The following KIF21B variants were observed in gnomAD, a reference collection of about 807,000 sequenced individuals.
KIF21B encodes kinesin-like protein KIF21B.
A neutral mutation model predicts 192.9 loss-of-function variants in KIF21B; 85 were observed. That is an observed-to-expected ratio of 0.44 (90% CI 0.37 to 0.53). The LOEUF is 0.53. Ranked by LOEUF, KIF21B falls within the 20% of genes least tolerant of loss-of-function variation. KIF21B has a pLI of 0.00. For missense variants in KIF21B, 1,716 were observed against 2,194.8 expected, an observed-to-expected ratio of 0.78 and a Z score of 4.36; for synonymous variants, 832 against 884.6, an observed-to-expected ratio of 0.94 and a Z score of 1.05.
chr1:200,989,063 A>G, intron 21 of KIF21B, 132 bp from the exon 22 acceptor site: 1 of 949,152 alleles, frequency 1.1e-6, no homozygotes, highest in East Asian at 2.6e-5. Flanking sequence ...TGTACCTGGC[A>G]CAGACCTGAG....
At chr1:201,015,244 G>A (rs1658438745) in intron 1 of KIF21B, among the ~76,000 whole-genome samples, 1 of 152,218 alleles carries the variant, frequency 6.6e-6, no homozygotes, top group Non-Finnish European at 1.5e-5. Context: ...TGGCATGCTC[G>A]CAGCTGCCCA....
Position 200,998,403 on chromosome 1 carries a change from G to A in KIF21B, c.2058C>T (p.Asp686=), listed in dbSNP as rs373847715. ...NKIRDTQLER[D]RVLQNLSTME... ...CCTCACTGAGGTTCTGCAGCACACG[G>A]TCGCGCTCCAGCTGTGTGTCTCGGA... Residue 686 remains aspartate, a synonymous_variant, in exon 14 of 35, where the codon GAC becomes GAT. Coordinates refer to ENST00000461742, the MANE Select transcript of KIF21B (RefSeq NM_001252102.2). The surrounding 1 kb of genome is among the most constrained non-coding windows in gnomAD (Gnocchi z 4.3). 2.5e-6 allele frequency: 4 copies of A among 1,613,168 alleles called. No individual in the cohort carries two copies. The African/African-American group carries it at 5.3e-5, about 22-fold the overall frequency.
Position 200,991,109 on chromosome 1 carries a change from C to A in KIF21B, c.2495G>T (p.Arg832Leu). ...CTTTAGTCCTGCACGCCCTGCCACC[C>A]GCTCAGACATGGGCTTGGCCAGGCG... ...LRRLAKPMSE[R>L]VAGRAGLKPP... Residue 832 changes from arginine (R) to leucine (L), a missense_variant, in exon 18 of 35, where the codon CGG becomes CTG. This residue lies in a region of KIF21B where 1,087 missense variants were observed against 1,316.6 expected (regional missense o/e 0.83). Coordinates refer to ENST00000461742, the MANE Select transcript of KIF21B (RefSeq NM_001252102.2). 6.2e-7 allele frequency: 1 copy of A among 1,613,824 alleles called. No individual in the cohort carries two copies. Among genetic ancestry groups the A allele is most frequent in the Non-Finnish European group, 8.5e-7 (1 of 1,179,964 alleles).
At position 201,005,611 on chromosome 1, in the gene KIF21B, G is replaced by A. The variant is rs146271002; in HGVS notation, c.531C>T (p.His177=). Residue 177 remains histidine (H), a synonymous_variant, in exon 4 of 35, where the codon CAC becomes CAT. Coordinates refer to ENST00000461742, the MANE Select transcript of KIF21B (RefSeq NM_001252102.2). ...TRHRRSNIKI[H]EDANGGIYTT... ...TGTAGATGCCACCGTTTGCGTCCTC[G>A]TGGATCTTGATGTTGGACCTGCGGT... 2.3e-4 allele frequency: 373 copies of A among 1,613,632 alleles called. No individual in the cohort carries two copies. In the African/African-American group the frequency reaches 3.4e-3, roughly 15 times the overall value.
At chr1:201,009,561 G>C (rs556958157) in intron 1 of KIF21B, 73 bp from the exon 2 acceptor site, 257 of 1,404,222 alleles carry the variant, frequency 1.8e-4, no homozygotes, top group Non-Finnish European at 2.1e-4. Flanking sequence ...CCCTCACACT[G>C]CCTGCCAAGC....
intron 1 of KIF21B, among the ~76,000 whole-genome samples, chr1:201,020,808 T>TACAC (rs60686711): frequency 0.031 from 4,381 of 142,880 alleles, 87 homozygotes; most frequent in East Asian, 0.065. Context: ...CTCTCTCCTC[T>TACAC]ACACACACAC....
Position 200,984,911 on chromosome 1 carries a change from T to G in KIF21B, c.3751A>C (p.Asn1251His), listed in dbSNP as rs1264811878. The G allele has an allele frequency of 1.2e-6, 2 of 1,607,122 alleles. No individual in the cohort carries two copies. Among genetic ancestry groups the G allele is most frequent in the African/African-American group, 1.3e-5 (1 of 74,340 alleles). ...TTACTGGTGAGACGAGAGAAGACAT[T>G]GCGGTCATTGCGGGGCCGAGTGGGA... ...SPPTRPRNDR[N>H]VFSRLTSNQS... is the part of the protein sequence containing the mutation. Residue 1251 changes from asparagine (N) to histidine (H), a missense_variant, in exon 27 of 35, where the codon AAT (asparagine) becomes CAT (histidine). Transcript: ENST00000461742.
At chr1:200,996,140 T>C (rs973272685) in intron 15 of KIF21B, 56 bp downstream of exon 15, 5 of 1,502,180 alleles carry the variant, frequency 3.3e-6, no homozygotes, top group Non-Finnish European at 4.6e-6. Context: ...GTGAGTGGAT[T>C]CTAAGAAGAT....
At chr1:200,989,082 C>T (rs10920083) in intron 21 of KIF21B, 151 bp from the exon 22 acceptor site, 31,923 of 759,154 alleles carry the variant, frequency 0.042, 1,482 homozygotes, top group East Asian at 0.2. Context: ...AGAGCACCGC[C>T]AGCCCCCTTA....
intron 1 of KIF21B, among the ~76,000 whole-genome samples, chr1:201,012,097 T>TG (rs1658264480): frequency 6.6e-6 from 1 of 152,178 alleles, no homozygotes; most frequent in African/African-American, 2.4e-5. Flanking sequence ...AGGAGTTGCG[T>TG]GGTCAGTTGG....
At position 201,002,398 on chromosome 1, in the gene KIF21B, T is replaced by TGG. The variant is rs574224967; in HGVS notation, c.1213-50_1213-49dup. On this transcript the variant is annotated intron_variant, in intron 8 of 34. Coordinates refer to ENST00000461742, the MANE Select transcript of KIF21B (RefSeq NM_001252102.2). ...GCAGTCAGGCAGCAGAGCTCGCGGTTGGGGGGGTAAGGGGCTGATGATGCC... is the reference window on the plus strand; with the variant it reads ...GCAGTCAGGCAGCAGAGCTCGCGGTTGGGGGGGGGTAAGGGGCTGATGATGCC... 1.8e-5 allele frequency: 29 copies of TGG among 1,568,358 alleles called. 1 individual carries two copies. In the South Asian group the frequency reaches 2.1e-4, roughly 11 times the overall value.
chr1:200,989,004 C>CT, intron 21 of KIF21B, 73 bp from the exon 22 acceptor site: 1 of 1,433,554 alleles, frequency 7.0e-7, no homozygotes, highest in Non-Finnish European at 9.4e-7. Context: ...ACAACCTGCA[C>CT]CCCTCAAGAC....
chr1:201,013,609 T>C (rs1286974928), intron 1 of KIF21B, among the ~76,000 whole-genome samples: 1 of 152,130 alleles, frequency 6.6e-6, no homozygotes, highest in Non-Finnish European at 1.5e-5. Context: ...CCTCCTGCCT[T>C]GGCCTCACAA....
In KIF21B at chr1:200,987,198, C is replaced by T. The variant is rs1656364109; in HGVS notation, c.3412G>A (p.Glu1138Lys). The change falls in exon 25 of 35, where the codon GAG becomes AAG. Residue 1138 changes from glutamate (E) to lysine (K), a missense_variant. By Grantham distance (56) the Glu-to-Lys change is moderately conservative. Coordinates refer to ENST00000461742, the MANE Select transcript of KIF21B (RefSeq NM_001252102.2). ...TSHDDFKFKSEPKLSAQMKAV... is the reference protein window; with the variant it reads ...TSHDDFKFKSKPKLSAQMKAV... ...TTCATTTGGGCAGACAGTTTGGGCT[C>T]GCTCTGGGAAAAGAAGAACAGGGTG... 1 of 1,611,702 alleles carries T rather than the reference C, an allele frequency of 6.2e-7. No homozygotes were observed. The highest frequency in any genetic ancestry group is 1.7e-5 in the Admixed American group (1 of 59,830).
chr1:200,979,942 C>T (rs1655811700), intron 29 of KIF21B, among the ~76,000 whole-genome samples: 1 of 152,170 alleles, frequency 6.6e-6, no homozygotes, highest in Non-Finnish European at 1.5e-5. Flanking sequence ...AACTTCAGAC[C>T]AGGGTTCCTC....
At position 200,990,585 on chromosome 1, in the gene KIF21B, C is replaced by A. The variant is rs1331330328; in HGVS notation, c.2826G>T (p.Arg942=). 1 of 1,613,706 alleles carries A rather than the reference C, an allele frequency of 6.2e-7. No homozygotes were observed. The highest frequency in any genetic ancestry group is 1.3e-5 in the African/African-American group (1 of 74,896). ...GGGAGGCAGGGCTCACCTTGATGAG[C>A]CGCTCCATGTCAGCCTCCAGGTTGA... is the stretch of plus-strand genomic sequence containing the variant. ...TIVNLEADME[R]LIKKREELFL... Residue 942 remains arginine, a synonymous_variant, in exon 19 of 35, where the codon CGG becomes CGT. Transcript: ENST00000461742. This position sits in a 1 kb window ranked among gnomAD's most constrained non-coding sequence, Gnocchi z 5.4.
chr1:200,987,688 C>T (rs930712812), intron 24 of KIF21B, among the ~76,000 whole-genome samples: 8 of 152,248 alleles, frequency 5.3e-5, no homozygotes, highest in African/African-American at 1.9e-4. Context: ...AATGGTTTCA[C>T]GGCCCTTAGT....
rs139162295 is a variant in KIF21B, at chr1:200,987,897, C to T, written c.3408+399G>A. Among the ~76,000 whole-genome samples, 267 of 152,316 alleles carry T rather than the reference C, an allele frequency of 1.8e-3. 2 individuals are homozygous for T. Among genetic ancestry groups the T allele is most frequent in the African/African-American group, 5.9e-3 (246 of 41,568 alleles). On this transcript the variant is annotated intron_variant, in intron 24 of 34. Transcript: ENST00000461742. ...TAGGTAAACTTCCTTATTTTTGACTCCCATATGGTTGAATTGACTGTGTGC... is the reference window on the plus strand; with the variant it reads ...TAGGTAAACTTCCTTATTTTTGACTTCCATATGGTTGAATTGACTGTGTGC...
In KIF21B at chr1:201,000,653, G is replaced by A; in HGVS notation, c.1467-45C>T. The A allele has an allele frequency of 6.2e-7, 1 of 1,613,052 alleles. No individual in the cohort carries two copies. Among genetic ancestry groups the A allele is most frequent in the South Asian group, 1.1e-5 (1 of 91,066 alleles). Reference sequence around the variant, plus strand: ...GGACGGGGCCGAGTGAGCTGCCACAGCCCTTGGCGTCACCTGGCCGAGGCC... The same window carrying A: ...GGACGGGGCCGAGTGAGCTGCCACAACCCTTGGCGTCACCTGGCCGAGGCC... On this transcript the variant is annotated intron_variant, in intron 10 of 34. Transcript: ENST00000461742. This position sits in a 1 kb window ranked among gnomAD's most constrained non-coding sequence, Gnocchi z 6.0.
Sources: allele counts gnomAD v4.1 joint callset (sites outside exome capture counted in the v4.1 genomes callset), GRCh38; gene constraint gnomAD v4.1.1; regional missense constraint gnomAD v4.1.1; non-coding constraint Gnocchi (gnomAD v3.1); transcripts MANE v1.5; gene names NCBI Gene and HGNC (gene_info 2026-07-23, HGNC 2026-07-21).